MSH4: variants seen among roughly 807,000 people sequenced by gnomAD.
The protein encoded by MSH4 is mutS protein homolog 4.
MSH4 carries 106 observed loss-of-function variants against 113.7 expected under a neutral mutation model. The ratio of observed to expected loss-of-function variants is 0.93; its 90% CI spans 0.80 to 1.10. The LOEUF is 1.10. Among genes scored for constraint, MSH4 ranks in the 50% least tolerant of loss-of-function variants. MSH4 has a pLI of 0.00. For synonymous variants in MSH4, 368 were observed against 380.2 expected, an observed-to-expected ratio of 0.97 and a Z score of 0.37; for missense variants, 1,061 against 1,093.7, an observed-to-expected ratio of 0.97 and a Z score of 0.42.
At chr1:75,868,628 C>G (rs1464892265) in intron 9 of MSH4, among the ~76,000 whole-genome samples, 1 of 152,130 alleles carries the variant, frequency 6.6e-6, no homozygotes, top group Non-Finnish European at 1.5e-5. Context: ...GTAAGAATCC[C>G]CACATTTCAA....
chr1:75,809,998 G>A (rs1229343300), intron 3 of MSH4, among the ~76,000 whole-genome samples: 1 of 151,794 alleles, frequency 6.6e-6, no homozygotes, highest in Non-Finnish European at 1.5e-5. Flanking sequence ...AGAGTATTTG[G>A]ATAAAATACT....
chr1:75,906,526 T>TATATATATG (rs796202795), intron 19 of MSH4, among the ~76,000 whole-genome samples: 1 of 33,494 alleles, frequency 3.0e-5, no homozygotes, highest in African/African-American at 1.2e-4. Context: ...TATGTATATA[T>TATATATATG]TATATATAAT....
At chr1:75,825,807 A>G (rs1650537373) in intron 7 of MSH4, among the ~76,000 whole-genome samples, 2 of 152,202 alleles carry the variant, frequency 1.3e-5, no homozygotes, top group South Asian at 4.1e-4. Context: ...CATCCCAGGG[A>G]TAAAGCCAAC....
At chr1:75,876,550 G>A (rs1651821282) in intron 9 of MSH4, among the ~76,000 whole-genome samples, 1 of 151,952 alleles carries the variant, frequency 6.6e-6, no homozygotes, top group African/African-American at 2.4e-5. Flanking sequence ...CTCTATTTAT[G>A]AATATACAAA....
chr1:75,812,983 A>C (rs1650221141), intron 4 of MSH4, among the ~76,000 whole-genome samples: 1 of 152,182 alleles, frequency 6.6e-6, no homozygotes, highest in Non-Finnish European at 1.5e-5. Context: ...TAGCCCAGGT[A>C]GAGTTTGGTC....
At chr1:75,814,185 T>C (rs1457063077) in intron 4 of MSH4, among the ~76,000 whole-genome samples, 1 of 151,142 alleles carries the variant, frequency 6.6e-6, no homozygotes, top group Non-Finnish European at 1.5e-5. Flanking sequence ...GGTGCTGATG[T>C]CTCACACTGG....
At chr1:75,835,539 T>C (rs1650809363) in intron 7 of MSH4, among the ~76,000 whole-genome samples, 3 of 152,130 alleles carry the variant, frequency 2.0e-5, no homozygotes, top group Admixed American at 2.0e-4. Context: ...CTTATCTACT[T>C]TTCACTCCCT....
intron 7 of MSH4, among the ~76,000 whole-genome samples, chr1:75,845,940 C>A (rs1651065776): frequency 1.3e-5 from 2 of 152,180 alleles, no homozygotes; most frequent in Non-Finnish European, 2.9e-5. Flanking sequence ...TGGCTTCATA[C>A]CTATTGTATT....
chr1:75,885,765 A>G (rs1461333907), intron 15 of MSH4, among the ~76,000 whole-genome samples: 1 of 114,156 alleles, frequency 8.8e-6, no homozygotes, highest in Non-Finnish European at 1.6e-5. Flanking sequence ...TATATATAGT[A>G]TATATAATGT....
At chr1:75,880,193 GTTTAA>G (rs747146243) in intron 13 of MSH4, 40 bp downstream of exon 13, 2 of 1,119,234 alleles carry the variant, frequency 1.8e-6, no homozygotes, top group Non-Finnish European at 2.6e-6. Flanking sequence ...AATTAAATTG[GTTTAA>G]TTTGAGAAAC....
chr1:75,867,132 G>C (rs1055701131), intron 8 of MSH4, among the ~76,000 whole-genome samples: 6 of 152,176 alleles, frequency 3.9e-5, no homozygotes, highest in African/African-American at 1.4e-4. Context: ...GGGAGGTTTG[G>C]ATTCAGCCTT....
intron 1 of MSH4, among the ~76,000 whole-genome samples, chr1:75,799,083 C>G (rs1649880020): frequency 6.6e-6 from 1 of 152,172 alleles, no homozygotes; most frequent in Non-Finnish European, 1.5e-5. Context: ...TCTAACAAAA[C>G]TGAGCTACTT....
At position 75,894,872 on chromosome 1, in the gene MSH4, A is replaced by G. The variant is rs5745522; in HGVS notation, c.2356-3035A>G. ...GGCAATACCTTTCAGGACTAGGGAA[A>G]GGTTTTCCAGAAGGCTGTATATGCT... On this transcript the variant is annotated intron_variant, in intron 17 of 19. Transcript: ENST00000263187. Among the ~76,000 whole-genome samples the G allele has an allele frequency of 7.9e-3, 1,196 of 152,246 alleles. 17 individuals are homozygous for G. Among genetic ancestry groups the G allele is most frequent in the African/African-American group, 0.027 (1,134 of 41,550 alleles).
intron 4 of MSH4, among the ~76,000 whole-genome samples, chr1:75,814,457 C>T (rs1314379502): frequency 6.6e-6 from 1 of 151,822 alleles, no homozygotes; most frequent in Admixed American, 6.6e-5. Context: ...AGAGTGAGAC[C>T]CTGTCTCAAA....
intron 7 of MSH4, among the ~76,000 whole-genome samples, chr1:75,839,588 T>C (rs12078151): frequency 0.21 from 31,491 of 152,050 alleles, 3,812 homozygotes; most frequent in African/African-American, 0.3. Context: ...GGGAGGGTAA[T>C]TTTTACAGTT....
chr1:75,855,325 A>G (rs973650790), intron 8 of MSH4, among the ~76,000 whole-genome samples: 1 of 152,208 alleles, frequency 6.6e-6, no homozygotes, highest in Non-Finnish European at 1.5e-5. Context: ...GGTGTGAGTC[A>G]CTGTGCCTGG....
intron 15 of MSH4, among the ~76,000 whole-genome samples, chr1:75,887,599 C>A (rs1483724280): frequency 2.6e-5 from 4 of 152,060 alleles, no homozygotes; most frequent in African/African-American, 7.2e-5. Flanking sequence ...AGATTATTAA[C>A]TCCATGTTAT....
chr1:75,850,921 A>G (rs545225724), intron 8 of MSH4, among the ~76,000 whole-genome samples: 1 of 152,250 alleles, frequency 6.6e-6, no homozygotes, highest in Non-Finnish European at 1.5e-5. Context: ...GCCTGTTGTC[A>G]TTATGAAATG....
chr1:75,883,900 G>A (rs1444799865), intron 15 of MSH4, 79 bp downstream of exon 15: 12 of 1,203,704 alleles, frequency 1.0e-5, no homozygotes, highest in African/African-American at 6.1e-5. Flanking sequence ...TTAGGGCCAT[G>A]TGCCTAATTA....
Sources: allele counts gnomAD v4.1 joint callset (sites outside exome capture counted in the v4.1 genomes callset), GRCh38; gene constraint gnomAD v4.1.1; transcripts MANE v1.5; gene names NCBI Gene and HGNC (gene_info 2026-07-23, HGNC 2026-07-21).